Variants in CCDC181 observed in about 807,000 individuals in gnomAD.
The protein encoded by CCDC181 is coiled-coil domain containing 181.
In CCDC181, 35 loss-of-function variants were observed where a neutral mutation model predicts 58.7. The ratio of observed to expected loss-of-function variants is 0.60; its 90% CI spans 0.46 to 0.79. CCDC181 has a LOEUF of 0.79. CCDC181 is among the 30% of genes least tolerant of loss of function. CCDC181 has a pLI of 0.00. For synonymous variants in CCDC181, 183 were observed against 197.5 expected, an observed-to-expected ratio of 0.93 and a Z score of 0.62; for missense variants, 517 against 583.9, an observed-to-expected ratio of 0.89 and a Z score of 1.18.
chr1:169,449,972 C>T (rs1376675536), intron 2 of CCDC181, among the ~76,000 whole-genome samples: 1 of 152,190 alleles, frequency 6.6e-6, no homozygotes, highest in Admixed American at 6.5e-5. Flanking sequence ...TCAAGAGAGT[C>T]TGTGTTTTTC....
intron 2 of CCDC181, among the ~76,000 whole-genome samples, chr1:169,439,822 G>A (rs1219953427): frequency 1.3e-5 from 2 of 152,074 alleles, no homozygotes; most frequent in East Asian, 1.9e-4. Flanking sequence ...GCTGGAAAGG[G>A]AATAGAGTGA....
rs1656327807 is a variant in CCDC181, at chr1:169,418,800, A to G, written c.1215+213T>C. ...ATAGTTTTCTGTTTTCTGTTCCATC[A>G]AAGTCTGAACAAAATAGGAATCATT... On this transcript the variant is annotated intron_variant, in intron 4 of 5. Transcript: ENST00000367806. 15 of 522,660 alleles carry G rather than the reference A, an allele frequency of 2.9e-5. No homozygotes were observed. The South Asian group carries it at 4.4e-4, about 15-fold the overall frequency. 32.4% of individuals were successfully genotyped at this position (522,660 alleles called of 1,614,324 possible).
chr1:169,437,768 A>G (rs75708390), intron 2 of CCDC181, among the ~76,000 whole-genome samples: 6,622 of 152,226 alleles, frequency 0.044, 192 homozygotes, highest in South Asian at 0.11. Context: ...AGGCATTAGT[A>G]TTGTCATCTA....
chr1:169,447,083 C>T (rs1657397743), intron 2 of CCDC181, among the ~76,000 whole-genome samples: 1 of 151,962 alleles, frequency 6.6e-6, no homozygotes, highest in African/African-American at 2.4e-5. Flanking sequence ...GTGAACATAA[C>T]TTGTGTAATC....
chr1:169,413,528 C>T (rs546614809), intron 4 of CCDC181, among the ~76,000 whole-genome samples: 21 of 152,108 alleles, frequency 1.4e-4, no homozygotes, highest in Non-Finnish European at 2.1e-4. Context: ...ATTATATACC[C>T]GAAGGATTAT....
rs1239180412 is a variant in CCDC181 at position 169,444,833 on chromosome 1, A to C, written c.-24+14964T>G. Among the ~76,000 whole-genome samples the C allele has an allele frequency of 8.5e-5, 13 of 152,150 alleles. 1 individual carries two copies. The highest frequency in any genetic ancestry group is 8.5e-4 in the Admixed American group (13 of 15,258). On this transcript the variant is annotated intron_variant, in intron 2 of 6. Transcript: ENST00000545005. The stretch of plus-strand genomic sequence containing the variant: ...GAGCACATCTTGTCTCTGGATCCAG[A>C]TGCAAAGAGAGACTATCTCCCAAGA...
intron 2 of CCDC181, among the ~76,000 whole-genome samples, chr1:169,442,326 C>T (rs1657252736): frequency 6.6e-6 from 1 of 151,890 alleles, no homozygotes; most frequent in South Asian, 2.1e-4. Context: ...GAGTCAATTA[C>T]TTCAACCACC....
intron 4 of CCDC181, among the ~76,000 whole-genome samples, chr1:169,404,424 A>G (rs1044266910): frequency 3.7e-4 from 57 of 152,220 alleles, no homozygotes; most frequent in African/African-American, 1.2e-3. Context: ...AAATACTGGC[A>G]AACCAAATCC....
intron 4 of CCDC181, among the ~76,000 whole-genome samples, chr1:169,398,782 C>A (rs539115183): frequency 2.0e-4 from 31 of 152,244 alleles, no homozygotes; most frequent in Non-Finnish European, 3.4e-4. Flanking sequence ...GTGTTCTGCA[C>A]AGACAGGATA....
At chr1:169,407,273 A>G (rs1250390603) in intron 4 of CCDC181, among the ~76,000 whole-genome samples, 1 of 152,210 alleles carries the variant, frequency 6.6e-6, no homozygotes, top group Non-Finnish European at 1.5e-5. Flanking sequence ...GAACAATGAT[A>G]AGAATGATAG....
intron 4 of CCDC181, among the ~76,000 whole-genome samples, chr1:169,399,393 A>AT (rs1368257121): frequency 6.6e-6 from 1 of 152,202 alleles, no homozygotes; most frequent in African/African-American, 2.4e-5. Context: ...TTAAATGATT[A>AT]TTTTTTAAAT....
exon 1 of CCDC181, chr1:169,460,651 C>G (rs1657823499): frequency 6.6e-6 from 1 of 152,446 alleles, no homozygotes; most frequent in Non-Finnish European, 1.5e-5. Context: ...TCTCACTCCA[C>G]GCGCACAAAT....
At position 169,448,038 on chromosome 1, in the gene CCDC181, A is replaced by C. The variant is rs533970077; in HGVS notation, c.-24+11759T>G. On this transcript the variant is annotated intron_variant, in intron 2 of 6. Transcript: ENST00000545005. Reference sequence around the variant, plus strand: ...AGAGTTTGCAATATATATTTTTAACAAACTTAAAACTAACTGAAAACTAAC... The same window carrying C: ...AGAGTTTGCAATATATATTTTTAACCAACTTAAAACTAACTGAAAACTAAC... Among the ~76,000 whole-genome samples the C allele has an allele frequency of 4.6e-5, 7 of 152,268 alleles. No homozygotes were observed. In the East Asian group the frequency reaches 1.4e-3, roughly 29 times the overall value.
chr1:169,452,392 C>G (rs890962205), intron 2 of CCDC181, among the ~76,000 whole-genome samples: 1 of 151,948 alleles, frequency 6.6e-6, no homozygotes, highest in African/African-American at 2.4e-5. Context: ...GGATTCTAAA[C>G]TAAATAGGAG....
At chr1:169,413,756 A>G (rs10919162) in intron 4 of CCDC181, among the ~76,000 whole-genome samples, 12,802 of 152,130 alleles carry the variant, frequency 0.084, 730 homozygotes, top group Admixed American at 0.19. Flanking sequence ...ATTCTCAACA[A>G]ACTAACACAG....
chr1:169,411,180 C>T (rs769854139), intron 4 of CCDC181, among the ~76,000 whole-genome samples: 9 of 151,854 alleles, frequency 5.9e-5, no homozygotes, highest in Non-Finnish European at 1.3e-4. Flanking sequence ...ATCAAATAGA[C>T]ACAATAAAAA....
intron 4 of CCDC181, among the ~76,000 whole-genome samples, chr1:169,399,921 T>C (rs1425799717): frequency 6.6e-6 from 1 of 151,496 alleles, no homozygotes; most frequent in African/African-American, 2.4e-5. Flanking sequence ...CAGATAGGAG[T>C]CTGGGGCTGC....
intron 4 of CCDC181, among the ~76,000 whole-genome samples, chr1:169,411,344 G>A (rs1031045652): frequency 7.9e-5 from 12 of 152,080 alleles, no homozygotes; most frequent in African/African-American, 2.9e-4. Context: ...CCAGAAATAA[G>A]TCAAATCTCT....
At chr1:169,453,520 C>T (rs986530220) in intron 2 of CCDC181, among the ~76,000 whole-genome samples, 1 of 152,046 alleles carries the variant, frequency 6.6e-6, no homozygotes, top group Non-Finnish European at 1.5e-5. Flanking sequence ...ATCTGCCACT[C>T]TAATGGGGAG....
Sources: gnomAD v4.1 joint callset for allele counts (sites outside exome capture counted in the v4.1 genomes callset) on GRCh38, gnomAD v4.1.1 for gene constraint, MANE v1.5 for transcripts, NCBI Gene and HGNC (gene_info 2026-07-23, HGNC 2026-07-21) for gene names.